The following ADSS2 variants were observed in gnomAD, a reference collection of about 807,000 sequenced individuals.
The protein encoded by ADSS2 is adenylosuccinate synthase 2, also known as adenylosuccinate synthetase isozyme 2.
In ADSS2, 30 loss-of-function variants were observed where a neutral mutation model predicts 60.0. The ratio of observed to expected loss-of-function variants is 0.50; its 90% CI spans 0.37 to 0.68. The LOEUF (loss-of-function observed/expected upper bound fraction) is 0.68. Among genes scored for constraint, ADSS2 ranks in the 30% least tolerant of loss-of-function variants. The pLI is 0.00. For synonymous variants in ADSS2, 187 were observed against 193.1 expected (o/e 0.97, Z 0.26); for missense variants, 373 against 554.8 (o/e 0.67, Z 3.29).
chr1:244,413,177 A>G (rs1342323867), intron 11 of ADSS2, among the ~76,000 whole-genome samples: 2 of 152,208 alleles, frequency 1.3e-5, no homozygotes, highest in African/African-American at 4.8e-5. Context: ...GAGTAAGACT[A>G]TATTGGTATG....
chr1:244,438,614 CAAT>C (rs1241800525), intron 1 of ADSS2, among the ~76,000 whole-genome samples: 4 of 152,056 alleles, frequency 2.6e-5, no homozygotes, highest in Admixed American at 6.5e-5. Flanking sequence ...AACTTCTATA[CAAT>C]ATTAACACAC....
At chr1:244,422,950 T>C (rs1328057051) in intron 6 of ADSS2, 34 bp from the exon 7 acceptor site, 17 of 1,335,136 alleles carry the variant, frequency 1.3e-5, no homozygotes, top group Non-Finnish European at 1.7e-5. Flanking sequence ...ACATTACCAC[T>C]CTGTGAAAAA....
chr1:244,422,776 A>T, intron 7 of ADSS2, 59 bp downstream of exon 7: 1 of 1,300,306 alleles, frequency 7.7e-7, no homozygotes, highest in Non-Finnish European at 1.1e-6. Context: ...GAAAAGATCT[A>T]GATGCCAATT....
Position 244,411,315 on chromosome 1 carries a change from T to C in ADSS2, c.1290A>G (p.Arg430=). 6.2e-7 allele frequency: 1 copy of C among 1,612,572 alleles called. No homozygotes were observed. Among genetic ancestry groups the C allele is most frequent in the Non-Finnish European group, 8.5e-7 (1 of 1,179,628 alleles). ...GAATTTGAAGCTCATCTTCAATAAA[T>C]CGAACATAGTTTTGTGCATTAACAG... is the stretch of plus-strand genomic sequence containing the variant. ...ELPVNAQNYV[R]FIEDELQIPV... The change falls in exon 12 of 13, where the codon CGA becomes CGG. Residue 430 remains arginine, a synonymous_variant. Coordinates refer to ENST00000366535, the MANE Select transcript of ADSS2 (RefSeq NM_001126.5).
chr1:244,411,169 C>T (rs1250662700), intron 12 of ADSS2, 118 bp downstream of exon 12: 11 of 1,033,264 alleles, frequency 1.1e-5, no homozygotes, highest in Admixed American at 3.0e-5. Flanking sequence ...TGCAGTGAGC[C>T]GAGATCCCGC....
At chr1:244,414,984 C>A (rs1664495558) in intron 11 of ADSS2, among the ~76,000 whole-genome samples, 1 of 152,198 alleles carries the variant, frequency 6.6e-6, no homozygotes, top group South Asian at 2.1e-4. Flanking sequence ...AAAGCATTCT[C>A]TACTACACTT....
intron 3 of ADSS2, among the ~76,000 whole-genome samples, chr1:244,435,375 AAAT>A (rs1235194475): frequency 6.6e-6 from 1 of 152,038 alleles, no homozygotes; most frequent in Non-Finnish European, 1.5e-5. Context: ...ATCTGCATAT[AAAT>A]AATGAGATCT....
upstream of ADSS2, chr1:244,451,950 G>C: frequency 1.0e-6 from 1 of 962,868 alleles, no homozygotes; most frequent in Non-Finnish European, 1.5e-6. The surrounding 1 kb of genome is among the most constrained non-coding windows in gnomAD (Gnocchi z 6.6). Context: ...CGCCCCGCCG[G>C]GCCGCCACCC....
At chr1:244,418,497 T>A (rs964682013) in intron 9 of ADSS2, among the ~76,000 whole-genome samples, 2 of 152,072 alleles carry the variant, frequency 1.3e-5, no homozygotes, top group African/African-American at 4.8e-5. Flanking sequence ...ATGTTTGTAT[T>A]TTTTGTAGTG....
Position 244,437,027 on chromosome 1 carries a change from C to T in ADSS2, c.287-134G>A, listed in dbSNP as rs916243544. 1.1e-5 allele frequency: 7 copies of T among 638,058 alleles called. No homozygotes were observed. The South Asian group carries it at 1.4e-4, about 13-fold the overall frequency. 39.5% of individuals were successfully genotyped at this position (638,058 alleles called of 1,614,324 possible). On this transcript the variant is annotated intron_variant, in intron 2 of 12. Coordinates refer to ENST00000366535, the MANE Select transcript of ADSS2 (RefSeq NM_001126.5). Reference sequence around the variant, plus strand: ...TTTACACAGGAGTATAATTTAAATACATAATGGAACATAATATAGTGAATA... The same window carrying T: ...TTTACACAGGAGTATAATTTAAATATATAATGGAACATAATATAGTGAATA...
chr1:244,449,768 G>GGA (rs998314766), intron 1 of ADSS2, among the ~76,000 whole-genome samples: 10 of 152,148 alleles, frequency 6.6e-5, no homozygotes, highest in African/African-American at 2.4e-4. Context: ...TGCCCAACAA[G>GGA]GCCCCTCATT....
chr1:244,443,461 AC>A (rs1426669539), intron 1 of ADSS2, among the ~76,000 whole-genome samples: 2 of 152,230 alleles, frequency 1.3e-5, no homozygotes, highest in Non-Finnish European at 2.9e-5. Flanking sequence ...TGGAATCTCA[AC>A]GTTGTTTCTG....
intron 9 of ADSS2, among the ~76,000 whole-genome samples, chr1:244,418,300 A>G (rs1664584107): frequency 6.6e-6 from 1 of 152,056 alleles, no homozygotes; most frequent in Admixed American, 6.6e-5. Flanking sequence ...TTATAATTAC[A>G]TAGTTTTTGT....
chr1:244,414,055 A>T (rs1664475927), intron 11 of ADSS2, among the ~76,000 whole-genome samples: 1 of 152,192 alleles, frequency 6.6e-6, no homozygotes, highest in African/African-American at 2.4e-5. Context: ...CTACACACAA[A>T]GCATAAAACC....
At chr1:244,439,043 A>C in intron 1 of ADSS2, among the ~76,000 whole-genome samples, 1 of 151,996 alleles carries the variant, frequency 6.6e-6, no homozygotes, top group East Asian at 1.9e-4. Flanking sequence ...CCCCACTCTT[A>C]CCACTACCTT....
At position 244,451,903 on chromosome 1, in the gene ADSS2, T is replaced by G. The variant is rs570966218; in HGVS notation, c.-86A>C. 7.7e-5 allele frequency: 104 copies of G among 1,349,868 alleles called. No individual in the cohort carries two copies. The South Asian group carries it at 1.4e-3, about 19-fold the overall frequency. 83.6% of individuals were successfully genotyped at this position (1,349,868 alleles called of 1,614,324 possible). On this transcript the variant is annotated 5_prime_UTR_variant, in exon 1 of 13. An upstream start codon of the reference 5' UTR is lost. Coordinates refer to ENST00000366535, the MANE Select transcript of ADSS2 (RefSeq NM_001126.5). This position sits in a 1 kb window ranked among gnomAD's most constrained non-coding sequence, Gnocchi z 6.6. ...AACTGCTCTGCGGCCGCCAGCCACA[T>G]GCAGAGGAAGAAGGAGCCAGAGGCC...
At position 244,409,387 on chromosome 1, in the gene ADSS2, C is replaced by A; in HGVS notation, c.*199G>T. The A allele has an allele frequency of 4.5e-6, 2 of 441,436 alleles. No homozygotes were observed. The highest frequency in any genetic ancestry group is 4.3e-5 in the Admixed American group (1 of 23,410). 27.3% of individuals were successfully genotyped at this position (441,436 alleles called of 1,614,324 possible). A position where few individuals can be genotyped will look rare whatever the true frequency, so the allele number is the denominator to read the frequency against. On this transcript the variant is annotated 3_prime_UTR_variant, in exon 13 of 13. Coordinates refer to ENST00000366535, the MANE Select transcript of ADSS2 (RefSeq NM_001126.5). ...GGAGCAACAAATGATTTGGCAATTC[C>A]AGCTAAAGAAAGCTGACACTGGAAT... is the stretch of plus-strand genomic sequence containing the variant.
chr1:244,412,103 A>G (rs986448370), intron 11 of ADSS2, among the ~76,000 whole-genome samples: 1 of 152,188 alleles, frequency 6.6e-6, no homozygotes, highest in African/African-American at 2.4e-5. Flanking sequence ...CCAGCAGCCC[A>G]TATCCATTGA....
chr1:244,444,251 C>T (rs1462405333), intron 1 of ADSS2, among the ~76,000 whole-genome samples: 1 of 151,900 alleles, frequency 6.6e-6, no homozygotes, highest in Non-Finnish European at 1.5e-5. Context: ...CGCGGTGGCT[C>T]ACGCCTGTAA....
Sources: allele counts gnomAD v4.1 joint callset (sites outside exome capture counted in the v4.1 genomes callset), GRCh38; gene constraint gnomAD v4.1.1; non-coding constraint Gnocchi (gnomAD v3.1); transcripts MANE v1.5; gene names NCBI Gene and HGNC (gene_info 2026-07-23, HGNC 2026-07-21).